The following TRAP1 variants were observed in gnomAD, a reference collection of about 807,000 sequenced individuals.
TRAP1 encodes TNF receptor associated protein 1.
TRAP1 carries 102 observed loss-of-function variants against 89.1 expected under a neutral mutation model. The ratio of observed to expected loss-of-function variants is 1.15; its 90% CI spans 0.98 to 1.35. TRAP1 has a LOEUF of 1.35. TRAP1 is among the 40% of genes most tolerant of loss of function. The pLI is 0.00. For synonymous variants in TRAP1, 508 were observed against 388.0 expected (o/e 1.31, Z -3.64); for missense variants, 1,256 against 945.3 (o/e 1.33, Z -4.31).
intron 2 of TRAP1, chr16:3,689,918 G>C (rs528075129): frequency 6.6e-6 from 1 of 152,364 alleles, no homozygotes; most frequent in Admixed American, 6.5e-5. Context: ...GGCCAGACAT[G>C]CCTCGGGCTA....
chr16:3,694,333 C>T (rs1039528706), intron 1 of TRAP1, among the ~76,000 whole-genome samples: 11 of 150,316 alleles, frequency 7.3e-5, no homozygotes, highest in South Asian at 2.1e-4. Flanking sequence ...GGGATGAGGA[C>T]GCGAACGTAT....
chr16:3,691,095 G>T, intron 1 of TRAP1, 110 bp from the exon 2 acceptor site: 1 of 1,079,136 alleles, frequency 9.3e-7, no homozygotes, highest in Non-Finnish European at 1.2e-6. Context: ...ACATCTCTAA[G>T]TCGGGCTGTT....
chr16:3,701,853 C>T (rs1286542215), intron 1 of TRAP1, among the ~76,000 whole-genome samples: 1 of 152,182 alleles, frequency 6.6e-6, no homozygotes, highest in Non-Finnish European at 1.5e-5. Context: ...CAAGCTTTAC[C>T]TGTTCACATG....
intron 1 of TRAP1, among the ~76,000 whole-genome samples, chr16:3,703,037 C>T (rs1289334498): frequency 9.2e-6 from 1 of 108,324 alleles, no homozygotes; most frequent in African/African-American, 3.7e-5. Context: ...AGTGAAACTC[C>T]GTCTTGAAAA....
intron 16 of TRAP1, chr16:3,659,598 TAGAAGTC>T (rs1343705687): frequency 3.3e-5 from 5 of 152,204 alleles, no homozygotes; most frequent in Admixed American, 6.5e-5. Flanking sequence ...ATTTTTCACT[TAGAAGTC>T]TGATAAAACC....
At chr16:3,711,767 A>G (rs962793004) in intron 1 of TRAP1, among the ~76,000 whole-genome samples, 1 of 152,094 alleles carries the variant, frequency 6.6e-6, no homozygotes, top group African/African-American at 2.4e-5. Context: ...CCTGAAATCT[A>G]TTTTGTTAAA....
chr16:3,672,150 T>C (rs1567228999), intron 10 of TRAP1, among the ~76,000 whole-genome samples: 1 of 152,020 alleles, frequency 6.6e-6, no homozygotes, highest in Non-Finnish European at 1.5e-5. Flanking sequence ...AGCCCGGCAA[T>C]TATGGTGAAA....
chr16:3,671,750 C>G lies in TRAP1; in HGVS notation c.1207G>C (p.Glu403Gln). 1 of 1,613,236 alleles carries G rather than the reference C, an allele frequency of 6.2e-7. No homozygotes were observed. The highest frequency in any genetic ancestry group is 8.5e-7 in the Non-Finnish European group (1 of 1,180,024). Residue 403 changes from glutamate (E) to glutamine (Q), a missense_variant, in exon 11 of 18, where the codon GAG (glutamate) becomes CAG (glutamine). Transcript: ENST00000246957. ...SEDIPLNLSR[E>Q]LLQESALIRK... ...ATGAGTGCGCTCTCCTGCAGCAGCT[C>G]CCGGCTGAGGTTCAGGGGAATGTCC...
chr16:3,661,948 G>T lies in TRAP1; in HGVS notation c.1940+39C>A, dbSNP rs772442557. On this transcript the variant is annotated intron_variant, in intron 16 of 17. Transcript: ENST00000246957. ...AGAACACCACACACAGGATTCTGGG[G>T]AATCCCACAGGCTGGAAGAGCCAGG... is the stretch of plus-strand genomic sequence containing the variant. The T allele has an allele frequency of 1.1e-5, 17 of 1,555,786 alleles. No individual in the cohort carries two copies. In the South Asian group the frequency reaches 1.9e-4, roughly 17 times the overall value.
chr16:3,659,031 C>T (rs917303998), intron 16 of TRAP1, 166 bp from the exon 17 acceptor site: 9 of 673,574 alleles, frequency 1.3e-5, no homozygotes, highest in Non-Finnish European at 2.2e-5. Flanking sequence ...ATTATATACC[C>T]AGAAAACCCA....
intron 2 of TRAP1, among the ~76,000 whole-genome samples, chr16:3,690,478 G>A (rs892424846): frequency 1.3e-5 from 2 of 152,226 alleles, no homozygotes; most frequent in Admixed American, 6.5e-5. Flanking sequence ...ACTTCAGAGG[G>A]AATGAAAAGA....
chr16:3,674,952 G>C (rs986683347), intron 8 of TRAP1: 1 of 328,570 alleles, frequency 3.0e-6, no homozygotes, highest in South Asian at 3.8e-5. Context: ...TGGCTGCTGG[G>C]ACTGGGGGAG....
intron 1 of TRAP1, among the ~76,000 whole-genome samples, chr16:3,715,633 A>G (rs535890601): frequency 1.1e-4 from 16 of 152,174 alleles, no homozygotes; most frequent in Admixed American, 6.6e-4. Flanking sequence ...AGTCAGCTAC[A>G]AAAGAAACGA....
intron 17 of TRAP1, 185 bp from the exon 18 acceptor site, chr16:3,658,415 T>C (rs2042850837): frequency 6.5e-6 from 4 of 611,766 alleles, no homozygotes; most frequent in East Asian, 2.8e-5. Flanking sequence ...CCACCACGCC[T>C]GGCCATTTTT....
At position 3,662,948 on chromosome 16, in the gene TRAP1, C is replaced by G. The variant is rs1274774326; in HGVS notation, c.1728G>C (p.Glu576Asp). The G allele has an allele frequency of 1.1e-5, 18 of 1,611,840 alleles. 1 individual carries two copies. Among genetic ancestry groups the G allele is most frequent in the Non-Finnish European group, 1.4e-5 (17 of 1,179,972 alleles). ...DRSPAAECLS[E>D]KETEELMAWM... ...AGGCCATGAGCTCCTCCGTCTCCTT[C>G]TCTGATAGGCACTCGGCGGCTGCGG... Residue 576 changes from glutamate (E) to aspartate (D), a missense_variant, in exon 15 of 18, where the codon GAG becomes GAC. Glu to Asp is a conservative substitution (Grantham distance 45, BLOSUM62 2). Coordinates refer to ENST00000246957, the MANE Select transcript of TRAP1 (RefSeq NM_016292.3).
intron 3 of TRAP1, among the ~76,000 whole-genome samples, chr16:3,688,579 C>T (rs1596730604): frequency 6.6e-6 from 1 of 152,104 alleles, no homozygotes; most frequent in East Asian, 1.9e-4. Context: ...GTCTGCCAGG[C>T]TCAAGTCATC....
chr16:3,699,566 C>T (rs1478789889), intron 1 of TRAP1, among the ~76,000 whole-genome samples: 2 of 131,268 alleles, frequency 1.5e-5, no homozygotes, highest in African/African-American at 2.9e-5. Flanking sequence ...GCAGAGGTTG[C>T]GGTGAGCCGA....
chr16:3,696,180 T>G (rs930350733), intron 1 of TRAP1, among the ~76,000 whole-genome samples: 1 of 152,130 alleles, frequency 6.6e-6, no homozygotes, highest in African/African-American at 2.4e-5. Context: ...TCACCCTACC[T>G]GGCAGCCAGA....
chr16:3,658,392 TTA>T, intron 17 of TRAP1, 162 bp from the exon 18 acceptor site: 1 of 651,408 alleles, frequency 1.5e-6, no homozygotes, highest in Non-Finnish European at 2.6e-6. Flanking sequence ...AGTGCTGGGA[TTA>T]CAGGCGTGAG....
Sources: gnomAD v4.1 joint callset for allele counts (sites outside exome capture counted in the v4.1 genomes callset) on GRCh38, gnomAD v4.1.1 for gene constraint, MANE v1.5 for transcripts, NCBI Gene and HGNC (gene_info 2026-07-23, HGNC 2026-07-21) for gene names.